The following CCDC73 variants were observed in gnomAD, a reference collection of about 807,000 sequenced individuals.
The protein encoded by CCDC73 is coiled-coil domain-containing protein 73.
In CCDC73, 95 loss-of-function variants were observed where a neutral mutation model predicts 116.5. That is an observed-to-expected ratio of 0.82 (90% CI 0.69 to 0.97). CCDC73 has a LOEUF of 0.97. CCDC73 is among the 50% of genes least tolerant of loss of function. The pLI is 0.00. For synonymous variants in CCDC73, 398 were observed against 401.3 expected (o/e 0.99, Z 0.10); for missense variants, 1,066 against 1,206.8 (o/e 0.88, Z 1.73).
chr11:32,620,973 G>A (rs191256510), intron 14 of CCDC73, among the ~76,000 whole-genome samples: 124 of 152,166 alleles, frequency 8.1e-4, no homozygotes, highest in African/African-American at 2.9e-3. Flanking sequence ...AACAAGAGAC[G>A]TGAAGGAACT....
intron 6 of CCDC73, among the ~76,000 whole-genome samples, chr11:32,692,365 T>C (rs960720221): frequency 1.3e-5 from 2 of 152,120 alleles, no homozygotes; most frequent in African/African-American, 4.8e-5. Flanking sequence ...CATGCATAAA[T>C]GTATAAACTC....
rs1855459441 is a variant in CCDC73, at chr11:32,614,771, A to T, written c.1547T>A (p.Ile516Lys). The change falls in exon 16 of 18, where the codon ATA (isoleucine) becomes AAA (lysine). Residue 516 changes from isoleucine (I) to lysine (K), a missense_variant. Ile to Lys is a moderately radical substitution (Grantham distance 102). Transcript: ENST00000335185. ...TTTTTCCAAGCATATCTTGTCTTTT[A>T]TTTCTGTAGTAACTGATTTTCTGTT... Reference protein sequence around the residue: ...TDNRKSVTTEIKDKICLEKDN... With the variant: ...TDNRKSVTTEKKDKICLEKDN... The T allele has an allele frequency of 6.2e-7, 1 of 1,612,944 alleles. No homozygotes were observed. The highest frequency in any genetic ancestry group is 1.7e-5 in the Admixed American group (1 of 59,906).
At chr11:32,649,090 T>C (rs1479467809) in intron 12 of CCDC73, among the ~76,000 whole-genome samples, 2 of 152,204 alleles carry the variant, frequency 1.3e-5, no homozygotes, top group African/African-American at 4.8e-5. Context: ...GTCATAAATA[T>C]GTAGTTATGT....
At chr11:32,810,333 A>G in the CCDC73 span, among the ~76,000 whole-genome samples, 1 of 152,238 alleles carries the variant, frequency 6.6e-6, no homozygotes, top group African/African-American at 2.4e-5. Flanking sequence ...ATAAATGTAC[A>G]TGACTACTTG....
chr11:32,727,524 G>T (rs1850038436), intron 2 of CCDC73, among the ~76,000 whole-genome samples: 1 of 152,078 alleles, frequency 6.6e-6, no homozygotes, highest in Non-Finnish European at 1.5e-5. Context: ...TCTCCTTAAA[G>T]TTTCAGCCAT....
At chr11:32,615,076 A>G in intron 15 of CCDC73, 134 bp from the exon 16 acceptor site, 1 of 535,374 alleles carries the variant, frequency 1.9e-6, no homozygotes, top group Non-Finnish European at 3.2e-6. Context: ...ATACAAACTT[A>G]ATGACATCAA....
At chr11:32,755,671 ATATATATATCTCCATATATATGTG>A (rs1850331508) in intron 2 of CCDC73, among the ~76,000 whole-genome samples, 19 of 65,414 alleles carry the variant, frequency 2.9e-4, no homozygotes, top group African/African-American at 1.1e-3. Flanking sequence ...ATATATGTGT[ATATATATATCTCCATATATATGTG>A]TATATATATA....
intron 2 of CCDC73, among the ~76,000 whole-genome samples, chr11:32,730,804 A>T (rs1470230219): frequency 2.6e-5 from 4 of 152,204 alleles, no homozygotes; most frequent in African/African-American, 9.6e-5. Context: ...GGTTCCAAGA[A>T]GGACAAATAG....
chr11:32,698,087 A>T (rs1268007387), intron 6 of CCDC73, among the ~76,000 whole-genome samples: 1 of 133,552 alleles, frequency 7.5e-6, no homozygotes, highest in African/African-American at 2.9e-5. Context: ...TGCAGTGGTG[A>T]TATCTCAGCT....
In CCDC73 at chr11:32,736,260, A is replaced by G. The variant is rs1565088639; in HGVS notation, c.136-18113T>C. Among the ~76,000 whole-genome samples the G allele has an allele frequency of 3.9e-5, 6 of 152,336 alleles. No homozygotes were observed. The South Asian group carries it at 1.0e-3, about 26-fold the overall frequency. On this transcript the variant is annotated intron_variant, in intron 2 of 17. Coordinates refer to ENST00000335185, the MANE Select transcript of CCDC73 (RefSeq NM_001008391.4). ...GGAAGAAAATTTTTGCAATCTACTC[A>G]TCTGACAAAGGGCTAATATCCAGAA...
chr11:32,715,040 G>C (rs901006394), intron 3 of CCDC73, among the ~76,000 whole-genome samples: 2 of 152,070 alleles, frequency 1.3e-5, no homozygotes, highest in African/African-American at 4.8e-5. Context: ...TACAAAAAAA[G>C]CTTGCTAACA....
chr11:32,711,578 A>C (rs963647842), intron 3 of CCDC73, among the ~76,000 whole-genome samples: 3 of 152,168 alleles, frequency 2.0e-5, no homozygotes, highest in African/African-American at 7.2e-5. Flanking sequence ...ACAAAGGCCT[A>C]AGAATAATAC....
Position 32,635,361 on chromosome 11 carries a change from CAT to C in CCDC73, c.1185+333_1185+334del, listed in dbSNP as rs1348521276. ...AGTGTTGTACTGGCTTAAGTATAGACATATAATCAATGGATCATAATAAAGAG... is the reference window on the plus strand; with the variant it reads ...AGTGTTGTACTGGCTTAAGTATAGACATAATCAATGGATCATAATAAAGAG... On this transcript the variant is annotated intron_variant, in intron 14 of 17. Transcript: ENST00000335185. Among the ~76,000 whole-genome samples the C allele has an allele frequency of 5.9e-5, 9 of 152,146 alleles. No homozygotes were observed. In the East Asian group the frequency reaches 1.7e-3, roughly 29 times the overall value.
chr11:32,667,218 A>G (rs150757459), intron 9 of CCDC73, among the ~76,000 whole-genome samples: 4,434 of 152,316 alleles, frequency 0.029, 81 homozygotes, highest in Non-Finnish European at 0.039. Context: ...AAGTCTGCAG[A>G]GGTTTCTGCT....
intron 1 of CCDC73, 65 bp from the exon 2 acceptor site, chr11:32,760,323 A>G: frequency 1.0e-6 from 1 of 953,208 alleles, no homozygotes; most frequent in Non-Finnish European, 1.6e-6. Context: ...AAGCATAGTT[A>G]CCATAAAAAT....
rs114264055 is a variant in CCDC73, at chr11:32,791,429, T to C, written c.-16+3184A>G. On this transcript the variant is annotated intron_variant, in intron 1 of 17. Transcript: ENST00000335185. ...ATACACTAACTCCCCATTTCAGAGA[T>C]AAGCAGTCCCATTAGCTTTGTTGGA... is the stretch of plus-strand genomic sequence containing the variant. Among the ~76,000 whole-genome samples the C allele has an allele frequency of 7.2e-3, 1,098 of 152,358 alleles. 17 individuals carry two copies. Among genetic ancestry groups the C allele is most frequent in the African/African-American group, 0.025 (1,059 of 41,590 alleles).
chr11:32,786,690 A>T (rs1850632597), intron 1 of CCDC73, among the ~76,000 whole-genome samples: 3 of 151,688 alleles, frequency 2.0e-5, no homozygotes, highest in African/African-American at 2.4e-5. Context: ...TTTAAGAGAT[A>T]TAAAGGCTTT....
intron 14 of CCDC73, among the ~76,000 whole-genome samples, chr11:32,625,781 C>A (rs1029399833): frequency 4.6e-4 from 70 of 152,016 alleles, no homozygotes; most frequent in African/African-American, 1.5e-3. Context: ...ATTCAACAGC[C>A]CTTCATGCTA....
the CCDC73 span, among the ~76,000 whole-genome samples, chr11:32,815,249 G>C: frequency 1.3e-5 from 2 of 152,194 alleles, no homozygotes; most frequent in Non-Finnish European, 2.9e-5. Context: ...GTACGTGCTG[G>C]GTGTTCCTCC....
Sources: allele counts gnomAD v4.1 joint callset (sites outside exome capture counted in the v4.1 genomes callset), GRCh38; gene constraint gnomAD v4.1.1; transcripts MANE v1.5; gene names NCBI Gene and HGNC (gene_info 2026-07-23, HGNC 2026-07-21).